TNR: variants seen among roughly 807,000 people sequenced by gnomAD.
The protein encoded by TNR is tenascin R, also known as tenascin-R.
Under a neutral mutation model 150.4 loss-of-function variants are expected in TNR, and 45 were observed. The observed-to-expected ratio is 0.30, with a 90% CI of 0.24 to 0.38. TNR has a LOEUF of 0.38. TNR is among the 10% of genes least tolerant of loss of function. The pLI, the probability that TNR is intolerant of heterozygous loss-of-function variation, is 1.00. For synonymous variants in TNR, 687 were observed against 678.4 expected (o/e 1.01, Z -0.20); for missense variants, 1,544 against 1,759.1 (o/e 0.88, Z 2.19).
intron 1 of TNR, among the ~76,000 whole-genome samples, chr1:175,571,880 C>A (rs1239206723): frequency 1.3e-5 from 2 of 152,224 alleles, no homozygotes; most frequent in Non-Finnish European, 2.9e-5. Flanking sequence ...CCTGGCACAA[C>A]CACCAGAGTC....
intron 8 of TNR, 56 bp from the exon 9 acceptor site, chr1:175,379,793 G>T: frequency 6.4e-7 from 1 of 1,571,792 alleles, no homozygotes. Context: ...GTACATTTGT[G>T]GTGCATCTTG....
intron 1 of TNR, among the ~76,000 whole-genome samples, chr1:175,590,670 G>T (rs1423301475): frequency 2.0e-5 from 3 of 152,248 alleles, no homozygotes; most frequent in Non-Finnish European, 2.9e-5. Flanking sequence ...CAGTGAGGAG[G>T]GGAAGGGCAT....
At chr1:175,464,434 G>A (rs941622500) in intron 2 of TNR, among the ~76,000 whole-genome samples, 6 of 152,214 alleles carry the variant, frequency 3.9e-5, no homozygotes, top group South Asian at 2.1e-4. Flanking sequence ...CAAGGAAGAC[G>A]AGAAATTGGC....
chr1:175,651,066 TCCCCATCTCATTACTCCC>T (rs1304683477), intron 1 of TNR, among the ~76,000 whole-genome samples: 2 of 6,972 alleles, frequency 2.9e-4, no homozygotes, highest in Non-Finnish European at 2.6e-4. Context: ...TTACTACCCC[TCCCCATCTCATTACTCCC>T]CCCCACCTCA....
chr1:175,717,416 A>G (rs1375049890), intron 1 of TNR, among the ~76,000 whole-genome samples: 1 of 152,166 alleles, frequency 6.6e-6, no homozygotes, highest in Non-Finnish European at 1.5e-5. Context: ...ACAAAACTGC[A>G]CTGTACCCCA....
chr1:175,419,473 C>A (rs1654654129), intron 2 of TNR, among the ~76,000 whole-genome samples: 1 of 151,990 alleles, frequency 6.6e-6, no homozygotes, highest in Non-Finnish European at 1.5e-5. Flanking sequence ...TAAGGGGATG[C>A]AGAACATTTC....
At chr1:175,358,128 A>G (rs1379725797) in intron 15 of TNR, among the ~76,000 whole-genome samples, 2 of 152,202 alleles carry the variant, frequency 1.3e-5, no homozygotes, top group African/African-American at 4.8e-5. Flanking sequence ...GATAATTAAA[A>G]AATGCGGGAT....
chr1:175,324,270 T>C (rs1224901570), intron 22 of TNR, 86 bp downstream of exon 22: 8 of 1,382,538 alleles, frequency 5.8e-6, no homozygotes, highest in Non-Finnish European at 7.8e-6. Context: ...AATGAAGGAC[T>C]CACATGTGCT....
chr1:175,663,267 A>G (rs769941759), intron 1 of TNR, among the ~76,000 whole-genome samples: 13 of 152,084 alleles, frequency 8.5e-5, no homozygotes, highest in Non-Finnish European at 1.5e-4. Flanking sequence ...CAGAATCTCA[A>G]GTGAGACGCT....
At chr1:175,344,441 C>T (rs1169253255) in intron 18 of TNR, among the ~76,000 whole-genome samples, 1 of 152,192 alleles carries the variant, frequency 6.6e-6, no homozygotes, top group Non-Finnish European at 1.5e-5. Context: ...GAAGTCAGCA[C>T]GAATTGGTCT....
At position 175,403,334 on chromosome 1, in the gene TNR, C is replaced by T. The variant is rs1396750503; in HGVS notation, c.782G>A (p.Cys261Tyr). 1 of 1,614,060 alleles carries T rather than the reference C, an allele frequency of 6.2e-7. No homozygotes were observed. Among genetic ancestry groups the T allele is most frequent in the African/African-American group, 1.3e-5 (1 of 74,912 alleles). Residue 261 changes from cysteine to tyrosine, a missense_variant, in exon 4 of 23, where the codon TGC becomes TAC. Transcript: ENST00000367674. ...VCEEPYTGEDCRELRCPGDCS... is the reference protein window; with the variant it reads ...VCEEPYTGEDYRELRCPGDCS... ...GTCCCCAGGGCACCTCAGTTCCCTG[C>T]AGTCCTCGCCAGTGTAGGGCTCTTC... is the stretch of plus-strand genomic sequence containing the variant.
At chr1:175,724,476 C>T (rs1032039665) in intron 1 of TNR, among the ~76,000 whole-genome samples, 1 of 152,108 alleles carries the variant, frequency 6.6e-6, no homozygotes, top group African/African-American at 2.4e-5. Flanking sequence ...ATGATCCAAT[C>T]ACCTCCCACT....
chr1:175,479,060 A>G (rs574052460), intron 2 of TNR, among the ~76,000 whole-genome samples: 48 of 152,260 alleles, frequency 3.2e-4, no homozygotes, highest in African/African-American at 1.1e-3. Flanking sequence ...CCTCCATTTG[A>G]CAGGTAGAAA....
At chr1:175,518,420 T>TCC (rs1659500808) in intron 2 of TNR, among the ~76,000 whole-genome samples, 9 of 152,038 alleles carry the variant, frequency 5.9e-5, no homozygotes. Flanking sequence ...CTCTCATGTC[T>TCC]CCCCCTACAG....
At chr1:175,513,690 C>A (rs1173749377) in intron 2 of TNR, among the ~76,000 whole-genome samples, 2 of 152,196 alleles carry the variant, frequency 1.3e-5, no homozygotes, top group East Asian at 3.9e-4. Flanking sequence ...GTTCAGAGCT[C>A]TGACAGGGAA....
intron 1 of TNR, among the ~76,000 whole-genome samples, chr1:175,627,707 C>T (rs1166070524): frequency 6.6e-6 from 1 of 152,056 alleles, no homozygotes; most frequent in Non-Finnish European, 1.5e-5. Flanking sequence ...CTTACCCACC[C>T]CACCCCCAAA....
intron 2 of TNR, among the ~76,000 whole-genome samples, chr1:175,460,744 A>G (rs1656777430): frequency 6.6e-6 from 1 of 152,146 alleles, no homozygotes; most frequent in African/African-American, 2.4e-5. Flanking sequence ...CACTCTAAAT[A>G]TGCTGCAGTT....
intron 1 of TNR, among the ~76,000 whole-genome samples, chr1:175,567,517 C>T (rs184171911): frequency 1.1e-4 from 16 of 152,254 alleles, no homozygotes; most frequent in Middle Eastern, 6.8e-3. Context: ...GCCAGGGCAA[C>T]GAGGAAATGA....
intron 1 of TNR, among the ~76,000 whole-genome samples, chr1:175,609,381 C>T (rs1451747972): frequency 1.3e-5 from 2 of 152,054 alleles, no homozygotes; most frequent in African/African-American, 2.4e-5. Context: ...AGCAATAAAT[C>T]AATAAAAAGA....
Sources: allele counts gnomAD v4.1 joint callset (sites outside exome capture counted in the v4.1 genomes callset), GRCh38; gene constraint gnomAD v4.1.1; transcripts MANE v1.5; gene names NCBI Gene and HGNC (gene_info 2026-07-23, HGNC 2026-07-21).